Variants in HS3ST4 observed in about 807,000 individuals in gnomAD.
The protein encoded by HS3ST4 is heparan sulfate glucosamine 3-O-sulfotransferase 4.
Under a neutral mutation model 29.2 loss-of-function variants are expected in HS3ST4, and 17 were observed. That is an observed-to-expected ratio of 0.58 (90% CI 0.40 to 0.87). The LOEUF (loss-of-function observed/expected upper bound fraction) is 0.87, where lower values mean the gene tolerates loss of function less well. Ranked by LOEUF, HS3ST4 falls within the 40% of genes least tolerant of loss-of-function variation. The pLI, the probability that HS3ST4 is intolerant of heterozygous loss-of-function variation, is 0.00. For missense variants in HS3ST4, 627 were observed against 634.5 expected, an observed-to-expected ratio of 0.99 and a Z score of 0.13; for synonymous variants, 314 against 285.7, an observed-to-expected ratio of 1.10 and a Z score of -1.00.
At chr16:25,864,357 G>A (rs1025516915) in intron 1 of HS3ST4, among the ~76,000 whole-genome samples, 1 of 107,348 alleles carries the variant, frequency 9.3e-6, no homozygotes, top group Non-Finnish European at 1.9e-5. Context: ...AGTGTGCAAA[G>A]CATCATTATT....
At chr16:25,969,522 G>A (rs1186274037) in intron 1 of HS3ST4, among the ~76,000 whole-genome samples, 2 of 152,192 alleles carry the variant, frequency 1.3e-5, no homozygotes, top group Admixed American at 6.5e-5. Context: ...TGAACATCAC[G>A]GCATTGTGGT....
intron 1 of HS3ST4, among the ~76,000 whole-genome samples, chr16:25,945,199 A>G (rs1968613022): frequency 6.6e-6 from 1 of 152,152 alleles, no homozygotes; most frequent in Non-Finnish European, 1.5e-5. Flanking sequence ...CAATATTATT[A>G]TTGTGCATAT....
chr16:25,977,872 G>C (rs553601355), intron 1 of HS3ST4, among the ~76,000 whole-genome samples: 1 of 152,346 alleles, frequency 6.6e-6, no homozygotes, highest in East Asian at 1.9e-4. Flanking sequence ...GTCAGGTACA[G>C]ATTGCCGCCC....
At chr16:25,959,857 G>A (rs117317977) in intron 1 of HS3ST4, among the ~76,000 whole-genome samples, 8,940 of 151,948 alleles carry the variant, frequency 0.059, 391 homozygotes, top group Non-Finnish European at 0.084. Context: ...GTCTGGGGTC[G>A]GGCGCAGTGG....
At chr16:25,952,116 A>G (rs1042065831) in intron 1 of HS3ST4, among the ~76,000 whole-genome samples, 1 of 152,218 alleles carries the variant, frequency 6.6e-6, no homozygotes, top group Non-Finnish European at 1.5e-5. Context: ...TGTAGTGTCT[A>G]TGGCTGCATT....
At chr16:25,829,506 C>T (rs1473706575) in intron 1 of HS3ST4, among the ~76,000 whole-genome samples, 1 of 152,172 alleles carries the variant, frequency 6.6e-6, no homozygotes, top group Non-Finnish European at 1.5e-5. Flanking sequence ...CTGCACCCAT[C>T]AACCCATCAT....
At chr16:25,934,387 G>T (rs982708457) in intron 1 of HS3ST4, among the ~76,000 whole-genome samples, 3 of 152,190 alleles carry the variant, frequency 2.0e-5, no homozygotes, top group Non-Finnish European at 2.9e-5. Context: ...ACACTTCTTT[G>T]TGGTTCCAGA....
At chr16:25,705,209 T>C (rs576687321) in intron 1 of HS3ST4, among the ~76,000 whole-genome samples, 2 of 152,294 alleles carry the variant, frequency 1.3e-5, no homozygotes, top group African/African-American at 4.8e-5. Context: ...GTTTGACTTT[T>C]GTTACCTCCT....
intron 1 of HS3ST4, among the ~76,000 whole-genome samples, chr16:26,058,837 C>G (rs1175720278): frequency 1.3e-5 from 2 of 152,072 alleles, no homozygotes; most frequent in African/African-American, 4.8e-5. Flanking sequence ...TAGGTGAGGT[C>G]CTAGAAGTAG....
intron 1 of HS3ST4, among the ~76,000 whole-genome samples, chr16:26,113,309 A>G (rs1899157144): frequency 6.6e-6 from 1 of 151,840 alleles, no homozygotes; most frequent in Non-Finnish European, 1.5e-5. Context: ...AGCTGGGTGT[A>G]GCGGCGGGCA....
chr16:26,095,061 C>G (rs1212517382), intron 1 of HS3ST4, among the ~76,000 whole-genome samples: 1 of 152,312 alleles, frequency 6.6e-6, no homozygotes, highest in Non-Finnish European at 1.5e-5. Context: ...ACAAGAAGAG[C>G]TAAGTATCCT....
chr16:26,134,911 G>A (rs564386131), intron 1 of HS3ST4, among the ~76,000 whole-genome samples: 1 of 152,298 alleles, frequency 6.6e-6, no homozygotes, highest in South Asian at 2.1e-4. Context: ...AGATGAATAT[G>A]TAAATGAATG....
chr16:26,043,958 A>G (rs1898235632), intron 1 of HS3ST4, among the ~76,000 whole-genome samples: 1 of 152,144 alleles, frequency 6.6e-6, no homozygotes, highest in Non-Finnish European at 1.5e-5. Flanking sequence ...AACCAGTTTC[A>G]CTGTCTTCAG....
intron 1 of HS3ST4, among the ~76,000 whole-genome samples, chr16:25,820,807 G>A (rs1967146595): frequency 6.6e-6 from 1 of 151,986 alleles, no homozygotes; most frequent in South Asian, 2.1e-4. Context: ...CTAGGCTCAA[G>A]TGATCTTCCT....
At chr16:26,127,317 A>G (rs559046126) in intron 1 of HS3ST4, among the ~76,000 whole-genome samples, 1 of 152,248 alleles carries the variant, frequency 6.6e-6, no homozygotes, top group Admixed American at 6.5e-5. Flanking sequence ...AGACCTGGTG[A>G]ACTTTCCTGT....
intron 1 of HS3ST4, among the ~76,000 whole-genome samples, chr16:25,739,241 T>C (rs1046432495): frequency 5.3e-5 from 8 of 151,622 alleles, no homozygotes; most frequent in Non-Finnish European, 1.0e-4. Flanking sequence ...ACTCGGGAGG[T>C]TGAGGCAGGA....
At chr16:26,116,140 G>C (rs1389248516) in intron 1 of HS3ST4, among the ~76,000 whole-genome samples, 1 of 152,196 alleles carries the variant, frequency 6.6e-6, no homozygotes, top group East Asian at 1.9e-4. Flanking sequence ...GTTGTGGGCA[G>C]GATTCAGTTT....
At chr16:26,075,877 G>A (rs923002948) in intron 1 of HS3ST4, among the ~76,000 whole-genome samples, 1 of 152,004 alleles carries the variant, frequency 6.6e-6, no homozygotes, top group African/African-American at 2.4e-5. Context: ...CTTAAACTTA[G>A]TTAGTCTCAG....
At chr16:25,979,533 C>T (rs1256731739) in intron 1 of HS3ST4, among the ~76,000 whole-genome samples, 1 of 152,194 alleles carries the variant, frequency 6.6e-6, no homozygotes, top group Non-Finnish European at 1.5e-5. Context: ...TTATGAGAAT[C>T]AGATGCCCCA....
Sources: gnomAD v4.1 joint callset for allele counts (sites outside exome capture counted in the v4.1 genomes callset) on GRCh38, gnomAD v4.1.1 for gene constraint, MANE v1.5 for transcripts, NCBI Gene and HGNC (gene_info 2026-07-23, HGNC 2026-07-21) for gene names.